SUMF1: variants seen among roughly 807,000 people sequenced by gnomAD.
The protein encoded by SUMF1 is sulfatase modifying factor 1, also known as formylglycine-generating enzyme.
Under a neutral mutation model 47.6 loss-of-function variants are expected in SUMF1, and 48 were observed. The ratio of observed to expected loss-of-function variants is 1.01; its 90% CI spans 0.80 to 1.28. The LOEUF (loss-of-function observed/expected upper bound fraction) is 1.28. SUMF1 is among the 50% of genes most tolerant of loss of function. The pLI is 0.00. For missense variants in SUMF1, 571 were observed against 485.4 expected (o/e 1.18, Z -1.66); for synonymous variants, 230 against 192.1 (o/e 1.20, Z -1.63).
chr3:4,108,611 A>G (rs1203611203), intron 8 of SUMF1, among the ~76,000 whole-genome samples: 1 of 152,056 alleles, frequency 6.6e-6, no homozygotes, highest in East Asian at 1.9e-4. Flanking sequence ...GTGCTCCCAT[A>G]TTGGGTGCAT....
intron 8 of SUMF1, among the ~76,000 whole-genome samples, chr3:4,087,404 T>C (rs1349367842): frequency 6.6e-6 from 1 of 152,146 alleles, no homozygotes; most frequent in Non-Finnish European, 1.5e-5. Context: ...GTGGAGTGTC[T>C]GGCACTGCAC....
rs557035829 is a variant in SUMF1, at chr3:4,425,877, C to T, written c.520-5731G>A. On this transcript the variant is annotated intron_variant, in intron 3 of 8. Coordinates refer to ENST00000272902, the MANE Select transcript of SUMF1 (RefSeq NM_182760.4). ...AAAGGGGCAGCAAAGGCACGCCTTACATGGCAGCAGGCAAGAGGGCAAGAG... is the reference window on the plus strand; with the variant it reads ...AAAGGGGCAGCAAAGGCACGCCTTATATGGCAGCAGGCAAGAGGGCAAGAG... 1.6e-4 allele frequency among the ~76,000 whole-genome samples: 24 copies of T among 152,312 alleles called. 1 individual carries two copies. In the South Asian group the frequency reaches 3.9e-3, roughly 25 times the overall value.
At chr3:4,162,641 GCATA>G in intron 8 of SUMF1, among the ~76,000 whole-genome samples, 1 of 152,282 alleles carries the variant, frequency 6.6e-6, no homozygotes, top group African/African-American at 2.4e-5. Context: ...CCTCCCACAA[GCATA>G]CATATTCTGT....
At position 4,232,100 on chromosome 3, in the gene SUMF1, G is replaced by C. The variant is rs79833918; in HGVS notation, c.1014+144230C>G. On this transcript the variant is annotated intron_variant and NMD_transcript_variant, in intron 8 of 12. Coordinates refer to the SUMF1 transcript ENST00000448413. ...AAATGGAGTCCATCTTAGGTAACCA[G>C]ACTCAGCATATGCATCAAAGTTCTT... 8.5e-4 allele frequency among the ~76,000 whole-genome samples: 130 copies of C among 152,220 alleles called. 3 individuals carry two copies. The East Asian group carries it at 0.022, about 26-fold the overall frequency.
chr3:4,203,418 G>T (rs1695582431), intron 8 of SUMF1, among the ~76,000 whole-genome samples: 1 of 151,584 alleles, frequency 6.6e-6, no homozygotes, highest in South Asian at 2.1e-4. Context: ...CTCTTTCTTG[G>T]TTTTCATTTG....
intron 8 of SUMF1, among the ~76,000 whole-genome samples, chr3:4,319,444 G>T (rs887322765): frequency 6.6e-6 from 1 of 152,144 alleles, no homozygotes; most frequent in African/African-American, 2.4e-5. Context: ...ATTAAGGGGG[G>T]TAAAGAAGCA....
intron 8 of SUMF1, among the ~76,000 whole-genome samples, chr3:4,120,247 G>A (rs937534162): frequency 3.3e-5 from 5 of 151,914 alleles, no homozygotes; most frequent in African/African-American, 9.7e-5. Flanking sequence ...ATTCATATTC[G>A]TATGCTCAGT....
At chr3:4,463,477 G>C (rs980613001) in intron 1 of SUMF1, among the ~76,000 whole-genome samples, 5 of 152,192 alleles carry the variant, frequency 3.3e-5, no homozygotes, top group Non-Finnish European at 7.3e-5. Context: ...GTGACAGAGC[G>C]AGACTCCGTC....
intron 8 of SUMF1, among the ~76,000 whole-genome samples, chr3:4,137,167 G>A (rs1300426970): frequency 6.6e-6 from 1 of 152,048 alleles, no homozygotes; most frequent in Non-Finnish European, 1.5e-5. Flanking sequence ...AAAGACACAT[G>A]CACATGTATG....
intron 8 of SUMF1, among the ~76,000 whole-genome samples, chr3:4,366,789 G>A (rs993176572): frequency 7.1e-5 from 7 of 97,956 alleles, no homozygotes; most frequent in South Asian, 4.6e-4. Context: ...GAGGAGAGGC[G>A]CTCTGCTTTT....
intron 3 of SUMF1, among the ~76,000 whole-genome samples, chr3:4,425,555 G>A (rs1702041641): frequency 6.6e-6 from 1 of 152,086 alleles, no homozygotes; most frequent in Non-Finnish European, 1.5e-5. Flanking sequence ...ACTGAGAAAA[G>A]TGACCAAGAG....
intron 8 of SUMF1, chr3:4,314,467 C>G (rs1174518558): frequency 6.6e-6 from 1 of 152,202 alleles, no homozygotes; most frequent in African/African-American, 2.4e-5. Flanking sequence ...TAACTATCAC[C>G]TGCTAAAACC....
At position 4,037,054 on chromosome 3, in the gene SUMF1, G is replaced by C. The variant is rs145310693; in HGVS notation, c.1191+31515C>G. Among the ~76,000 whole-genome samples the C allele has an allele frequency of 5.3e-3, 808 of 152,106 alleles. 10 individuals are homozygous for C. Among genetic ancestry groups the C allele is most frequent in the African/African-American group, 0.018 (754 of 41,472 alleles). ...ATCAGAAAGGTGTATCACCACAGGA[G>C]GAGAAACAAATAAATTCAAGTATTC... On this transcript the variant is annotated intron_variant and NMD_transcript_variant, in intron 9 of 12. Transcript: ENST00000448413.
intron 8 of SUMF1, among the ~76,000 whole-genome samples, chr3:4,287,924 T>A (rs969809831): frequency 6.6e-6 from 1 of 152,214 alleles, no homozygotes; most frequent in Non-Finnish European, 1.5e-5. Flanking sequence ...TTCTGATAAT[T>A]CACAGATTTG....
At chr3:4,082,261 C>G (rs962582693) in intron 8 of SUMF1, among the ~76,000 whole-genome samples, 1 of 151,842 alleles carries the variant, frequency 6.6e-6, no homozygotes. Flanking sequence ...TGAGCTCAGG[C>G]GTTTGAGACC....
chr3:4,185,771 A>G (rs1192234125), intron 8 of SUMF1, among the ~76,000 whole-genome samples: 2 of 152,232 alleles, frequency 1.3e-5, no homozygotes, highest in Non-Finnish European at 2.9e-5. Context: ...AAGTGTTTAT[A>G]CATACATGGG....
intron 7 of SUMF1, among the ~76,000 whole-genome samples, chr3:4,391,831 C>A (rs899090412): frequency 7.1e-6 from 1 of 141,480 alleles, no homozygotes; most frequent in Non-Finnish European, 1.5e-5. Flanking sequence ...CTTTTCTTTT[C>A]TTTTTTTTTT....
rs867892235 is a variant in SUMF1 at position 4,163,408 on chromosome 3, G to A, written c.1015-94663C>T. Among the ~76,000 whole-genome samples the A allele has an allele frequency of 1.6e-3, 88 of 53,812 alleles. 6 individuals carry two copies. The highest frequency in any genetic ancestry group is 3.6e-3 in the African/African-American group (58 of 16,338). 35.3% of individuals were successfully genotyped at this position (53,812 alleles called of 152,430 possible). A position where few individuals can be genotyped will look rare whatever the true frequency, so the allele number is the denominator to read the frequency against. ...GGAGGGAGGGAGGGAGGGAGGGAGG[G>A]AGGGAGGGAGGGAGGGAGGGAGGGA... is the stretch of plus-strand genomic sequence containing the variant. On this transcript the variant is annotated intron_variant and NMD_transcript_variant, in intron 8 of 12. Transcript: ENST00000448413.
At chr3:4,410,172 C>A (rs985180461) in intron 7 of SUMF1, among the ~76,000 whole-genome samples, 5 of 152,216 alleles carry the variant, frequency 3.3e-5, no homozygotes, top group Admixed American at 6.5e-5. Context: ...TTAAAGGAAG[C>A]ACTTTCCACA....
Sources: allele counts gnomAD v4.1 joint callset (sites outside exome capture counted in the v4.1 genomes callset), GRCh38; gene constraint gnomAD v4.1.1; transcripts MANE v1.5; gene names NCBI Gene and HGNC (gene_info 2026-07-23, HGNC 2026-07-21).